Variants in AASS observed in about 807,000 individuals in gnomAD.
AASS encodes the protein aminoadipate-semialdehyde synthase, also known as alpha-aminoadipic semialdehyde synthase, mitochondrial.
A neutral mutation model predicts 105.4 loss-of-function variants in AASS; 86 were observed. The ratio of observed to expected loss-of-function variants is 0.82; its 90% CI spans 0.69 to 0.98. The LOEUF (loss-of-function observed/expected upper bound fraction) is 0.98. AASS is among the 50% of genes least tolerant of loss of function. The pLI, the probability that AASS is intolerant of heterozygous loss-of-function variation, is 0.00. For synonymous variants in AASS, 381 were observed against 394.8 expected (o/e 0.96, Z 0.41); for missense variants, 1,048 against 1,143.2 (o/e 0.92, Z 1.20).
At chr7:122,118,192 G>A (rs1012565860) in intron 6 of AASS, 115 bp downstream of exon 6, 5 of 1,154,896 alleles carry the variant, frequency 4.3e-6, no homozygotes, top group Non-Finnish European at 6.3e-6. Context: ...TAAGAAAAGT[G>A]CCTAAAATAG....
At position 122,101,620 on chromosome 7, in the gene AASS, C is replaced by T. The variant is rs113748600; in HGVS notation, c.1338+1G>A. On this transcript the variant is annotated splice_donor_variant, in intron 12 of 23. Transcript: ENST00000417368. LOFTEE classifies it high-confidence loss of function. ...GAAAAAATATTCTGCTCATAACTTA[C>T]ATCTCTCACCACAGGAGAAAAATTC... is the stretch of plus-strand genomic sequence containing the variant. 2 of 1,609,450 alleles carry T rather than the reference C, an allele frequency of 1.2e-6. No homozygotes were observed. Among genetic ancestry groups the T allele is most frequent in the African/African-American group, 1.3e-5 (1 of 74,866 alleles).
intron 6 of AASS, among the ~76,000 whole-genome samples, chr7:122,118,082 T>G (rs1795270577): frequency 6.6e-6 from 1 of 152,032 alleles, no homozygotes; most frequent in South Asian, 2.1e-4. Context: ...CATATACACT[T>G]ACACATACAC....
At chr7:122,115,366 TC>T (rs1475164822) in intron 8 of AASS, 144 bp from the exon 9 acceptor site, 6 of 1,120,150 alleles carry the variant, frequency 5.4e-6, no homozygotes, top group Middle Eastern at 2.7e-4. Flanking sequence ...TCAGTGTCCA[TC>T]TTTTGAGGCA....
rs762737169 is a variant in AASS at position 122,098,916 on chromosome 7, A to AT, written c.1407-51dup. 499 of 1,480,992 alleles carry AT rather than the reference A, an allele frequency of 3.4e-4. 6 individuals are homozygous for AT. The South Asian group carries it at 5.2e-3, about 15-fold the overall frequency. 91.7% of individuals were successfully genotyped at this position (1,480,992 alleles called of 1,614,324 possible). A position where few individuals can be genotyped will look rare whatever the true frequency, so the allele number is the denominator to read the frequency against. On this transcript the variant is annotated intron_variant, in intron 13 of 23. Transcript: ENST00000417368. ...AAAAAAGGGAAGGGGCTAATTAAAAATTTTTTTTTAAATAACAGAATCTTG... is the reference window on the plus strand; with the variant it reads ...AAAAAAGGGAAGGGGCTAATTAAAAATTTTTTTTTTAAATAACAGAATCTTG...
At position 122,075,454 on chromosome 7, in the gene AASS, C is replaced by G. The variant is rs1189072898; in HGVS notation, c.*1035G>C. Among the ~76,000 whole-genome samples the G allele has an allele frequency of 6.6e-6, 1 of 152,102 alleles. No homozygotes were observed. The highest frequency in any genetic ancestry group is 2.4e-5 in the African/African-American group (1 of 41,392). On this transcript the variant is annotated 3_prime_UTR_variant, in exon 24 of 24. Coordinates refer to ENST00000417368, the MANE Select transcript of AASS (RefSeq NM_005763.4). Reference sequence around the variant, plus strand: ...TGCCTAATTGCCCTTTCTTGACTGTCCAGTACAAGTTGAATAGAAATGGCC... The same window carrying G: ...TGCCTAATTGCCCTTTCTTGACTGTGCAGTACAAGTTGAATAGAAATGGCC...
chr7:122,079,517 A>C, intron 21 of AASS, 80 bp downstream of exon 21: 1 of 1,248,760 alleles, frequency 8.0e-7, no homozygotes, highest in Non-Finnish European at 1.2e-6. Flanking sequence ...ACAAATGTAA[A>C]ATATTTAACT....
At chr7:122,133,946 TA>T in intron 1 of AASS, 4 of 588,740 alleles carry the variant, frequency 6.8e-6, no homozygotes, top group South Asian at 6.0e-5. Context: ...TGCAAAATTT[TA>T]AAAAGTATAG....
intron 15 of AASS, among the ~76,000 whole-genome samples, chr7:122,096,034 C>T (rs747919653): frequency 2.6e-5 from 4 of 151,922 alleles, no homozygotes; most frequent in Non-Finnish European, 5.9e-5. Flanking sequence ...TAATTCGTCT[C>T]GAATATGATA....
rs1207080125 is a variant in AASS at position 122,098,549 on chromosome 7, T to C, written c.1556A>G (p.Gln519Arg). The stretch of plus-strand genomic sequence containing the variant: ...ATTAATATTATATTTCTTGCCTAAC[T>C]GTTCAATTTGATTCTTCATGTCAGA... ...VGSDMKNQIEQLGKKYNINPV... is the reference protein window; with the variant it reads ...VGSDMKNQIERLGKKYNINPV... Residue 519 changes from glutamine (Q) to arginine (R), a missense_variant, in exon 15 of 24, where the codon CAG becomes CGG. Physicochemically the swap from Gln to Arg is conservative, Grantham distance 43. Coordinates refer to ENST00000417368, the MANE Select transcript of AASS (RefSeq NM_005763.4). 2 of 1,610,158 alleles carry C rather than the reference T, an allele frequency of 1.2e-6. No individual in the cohort carries two copies. Among genetic ancestry groups the C allele is most frequent in the Middle Eastern group, 1.7e-4 (1 of 6,044 alleles).
At chr7:122,100,098 GTTCAATATAAAGTAAATTTCCT>G (rs1794353615) in intron 13 of AASS, among the ~76,000 whole-genome samples, 1 of 151,850 alleles carries the variant, frequency 6.6e-6, no homozygotes, top group South Asian at 2.1e-4. Flanking sequence ...ATAAGGCAGG[GTTCAATATAAAGTAAATTTCCT>G]TTCAAAATGC....
chr7:122,074,184 G>C lies in AASS; in HGVS notation c.*2305C>G, dbSNP rs1562894209. On this transcript the variant is annotated 3_prime_UTR_variant, in exon 24 of 24. Transcript: ENST00000417368. ...ATATATCTATTCCAGTGAGTGTTAA[G>C]TGATATCTCATTGTAGATCTCATTT... 6.6e-6 allele frequency among the ~76,000 whole-genome samples: 1 copy of C among 152,158 alleles called. No individual in the cohort carries two copies. The highest frequency in any genetic ancestry group is 1.5e-5 in the Non-Finnish European group (1 of 68,030).
intron 10 of AASS, 119 bp downstream of exon 10, chr7:122,113,475 ATGTT>A: frequency 1.6e-6 from 2 of 1,268,250 alleles, no homozygotes; most frequent in Non-Finnish European, 2.2e-6. Context: ...AAATTTTAGT[ATGTT>A]TGAGTATATC....
chr7:122,090,111 G>A (rs962908921), intron 18 of AASS, among the ~76,000 whole-genome samples: 1 of 152,142 alleles, frequency 6.6e-6, no homozygotes, highest in Non-Finnish European at 1.5e-5. Flanking sequence ...TCAGGAAACT[G>A]ACATCCGGTA....
At chr7:122,106,864 T>G (rs1419816584) in intron 11 of AASS, among the ~76,000 whole-genome samples, 1 of 152,032 alleles carries the variant, frequency 6.6e-6, no homozygotes, top group East Asian at 1.9e-4. Context: ...AAAGATTTCA[T>G]GATGAAGACA....
intron 19 of AASS, among the ~76,000 whole-genome samples, chr7:122,084,703 A>G (rs1225250601): frequency 6.6e-6 from 1 of 152,176 alleles, no homozygotes; most frequent in Admixed American, 6.6e-5. Flanking sequence ...CAAAAGGAAC[A>G]GCCAGCAAAA....
chr7:122,093,507 G>A (rs1461669305), intron 15 of AASS, among the ~76,000 whole-genome samples: 1 of 152,132 alleles, frequency 6.6e-6, no homozygotes, highest in African/African-American at 2.4e-5. Context: ...CAATTGACAT[G>A]CCCATCAATA....
At chr7:122,118,499 T>C (rs200375562) in intron 5 of AASS, 46 bp from the exon 6 acceptor site, 5 of 1,610,998 alleles carry the variant, frequency 3.1e-6, no homozygotes, top group East Asian at 2.2e-5. Context: ...CAGCTCAGCA[T>C]TTTTTTTATT....
rs528100192 is a variant in AASS at position 122,107,462 on chromosome 7, C to T, written c.1278+5656G>A. Among the ~76,000 whole-genome samples the T allele has an allele frequency of 3.3e-5, 5 of 152,090 alleles. No homozygotes were observed. In the East Asian group the frequency reaches 9.7e-4, roughly 29 times the overall value. ...TGCACATGCTGTTGTAAAGAGTGCT[C>T]ATTGGAGCGCTATTGTAAATAGCAG... On this transcript the variant is annotated intron_variant, in intron 11 of 23. Coordinates refer to ENST00000417368, the MANE Select transcript of AASS (RefSeq NM_005763.4).
At position 122,076,547 on chromosome 7, in the gene AASS, A is replaced by C. The variant is rs1382833883; in HGVS notation, c.2723T>G (p.Leu908Trp). Reference protein sequence around the residue: ...PFSKEIYGPILERIKAEGIIY... With the variant: ...PFSKEIYGPIWERIKAEGIIY... ...AATGCCTTCTGCTTTAATTCGCTCC[A>C]ATATTGGTCCATAGATCTCCTTTGA... is the stretch of plus-strand genomic sequence containing the variant. The change falls in exon 24 of 24, where the codon TTG (leucine) becomes TGG (tryptophan). Residue 908 changes from leucine to tryptophan, a missense_variant. Coordinates refer to ENST00000417368, the MANE Select transcript of AASS (RefSeq NM_005763.4). The C allele has an allele frequency of 6.2e-7, 1 of 1,613,970 alleles. No homozygotes were observed.
Sources: allele counts gnomAD v4.1 joint callset (sites outside exome capture counted in the v4.1 genomes callset), GRCh38; gene constraint gnomAD v4.1.1; transcripts MANE v1.5; gene names NCBI Gene and HGNC (gene_info 2026-07-23, HGNC 2026-07-21).